Variants in RNFT2 observed in about 807,000 individuals in gnomAD.
The protein encoded by RNFT2 is ring finger protein, transmembrane 2.
A neutral mutation model predicts 53.0 loss-of-function variants in RNFT2; 36 were observed. That is an observed-to-expected ratio of 0.68 (90% CI 0.52 to 0.90). The LOEUF (loss-of-function observed/expected upper bound fraction) is 0.90. RNFT2 is among the 40% of genes least tolerant of loss of function. RNFT2 has a pLI of 0.00. For synonymous variants in RNFT2, 260 were observed against 253.2 expected, an observed-to-expected ratio of 1.03 and a Z score of -0.26; for missense variants, 514 against 585.6, an observed-to-expected ratio of 0.88 and a Z score of 1.26.
chr12:116,828,634 T>G (rs548009215), intron 7 of RNFT2, among the ~76,000 whole-genome samples: 1 of 150,544 alleles, frequency 6.6e-6, no homozygotes, highest in African/African-American at 2.4e-5. Context: ...TGTCCAGAAA[T>G]GGAAGCAAGG....
chr12:116,822,194 G>A (rs969343050), intron 7 of RNFT2, among the ~76,000 whole-genome samples: 4 of 151,962 alleles, frequency 2.6e-5, no homozygotes, highest in Non-Finnish European at 4.4e-5. Flanking sequence ...TGATGACACC[G>A]TCAGTCACAG....
intron 1 of RNFT2, among the ~76,000 whole-genome samples, chr12:116,739,790 G>A (rs1178683074): frequency 6.6e-6 from 1 of 152,232 alleles, no homozygotes; most frequent in Non-Finnish European, 1.5e-5. Context: ...CGTAGGCTAT[G>A]GACAGAGCTC....
At chr12:116,830,046 G>T (rs111292995) in intron 7 of RNFT2, among the ~76,000 whole-genome samples, 4,341 of 152,092 alleles carry the variant, frequency 0.029, 206 homozygotes, top group African/African-American at 0.098. Context: ...CTTTCATCAG[G>T]ATGATTTCTT....
intron 7 of RNFT2, among the ~76,000 whole-genome samples, chr12:116,794,677 A>AGGGAGGGAGGGAGGGG (rs1874414817): frequency 2.2e-5 from 1 of 46,406 alleles, no homozygotes; most frequent in African/African-American, 1.0e-4. Flanking sequence ...GAAGGAAGGG[A>AGGGAGGGAGGGAGGGG]GGGAGGGAGG....
At chr12:116,833,630 A>G (rs550915041) in intron 7 of RNFT2, among the ~76,000 whole-genome samples, 162 bp from the exon 8 acceptor site, 5 of 152,328 alleles carry the variant, frequency 3.3e-5, no homozygotes, top group East Asian at 1.9e-4. Context: ...CTCCCTGGCC[A>G]TATCGCAGCC....
intron 7 of RNFT2, among the ~76,000 whole-genome samples, chr12:116,821,744 GTGCTAGCT>G (rs1876037014): frequency 6.9e-6 from 1 of 145,672 alleles, no homozygotes. Context: ...TCCTGGCCCT[GTGCTAGCT>G]TGCTAGCTTT....
At position 116,851,722 on chromosome 12, in the gene RNFT2, C is replaced by CA; in HGVS notation, c.*2275dup. 1 of 692,286 alleles carries CA rather than the reference C, an allele frequency of 1.4e-6. No individual in the cohort carries two copies. The highest frequency in any genetic ancestry group is 2.7e-5 in the East Asian group (1 of 37,200). The allele number at this position is 692,286 out of a possible 1,614,324, so 42.9% of individuals were successfully genotyped here. A position where few individuals can be genotyped will look rare whatever the true frequency, so the allele number is the denominator to read the frequency against. ...CACCACAGCACTCCAACCTGGGTGA[C>CA]AGAGTGAGTGAGACTCTGTCTAAAA... is the stretch of plus-strand genomic sequence containing the variant. On this transcript the variant is annotated 3_prime_UTR_variant, in exon 11 of 11. Transcript: ENST00000257575.
At chr12:116,841,082 T>C (rs917912252) in intron 10 of RNFT2, among the ~76,000 whole-genome samples, 4 of 152,308 alleles carry the variant, frequency 2.6e-5, no homozygotes, top group South Asian at 4.1e-4. Flanking sequence ...TATCAATTGC[T>C]GTATAACAAG....
chr12:116,767,045 G>C (rs902309944), intron 6 of RNFT2, 131 bp downstream of exon 6: 1 of 620,510 alleles, frequency 1.6e-6, no homozygotes, highest in Admixed American at 2.4e-5. Flanking sequence ...CCACCCTGCT[G>C]TTACTACTTA....
intron 6 of RNFT2, among the ~76,000 whole-genome samples, chr12:116,769,169 C>A (rs1399239432): frequency 1.3e-5 from 2 of 152,046 alleles, no homozygotes; most frequent in African/African-American, 4.8e-5. Context: ...ACCACCCTGG[C>A]CAAGATAGTG....
rs1266355989 is a variant in RNFT2 at position 116,841,956 on chromosome 12, TATAGAGAGAG to T, written c.1200+5676_1200+5685del. Reference sequence around the variant, plus strand: ...ATATAAATATATATATAAATATATATATAGAGAGAGAGAGAGAGAGAGAGAGAGAGGGAGG... The same window carrying T: ...ATATAAATATATATATAAATATATATAGAGAGAGAGAGAGAGAGAGGGAGG... On this transcript the variant is annotated intron_variant, in intron 10 of 10. Coordinates refer to ENST00000257575, the MANE Select transcript of RNFT2 (RefSeq NM_001382266.1). Among the ~76,000 whole-genome samples the T allele has an allele frequency of 1.6e-3, 27 of 17,224 alleles. 2 individuals carry two copies. The highest frequency in any genetic ancestry group is 8.8e-3 in the African/African-American group (24 of 2,722). 11.3% of individuals were successfully genotyped at this position (17,224 alleles called of 152,430 possible). A position where few individuals can be genotyped will look rare whatever the true frequency, so the allele number is the denominator to read the frequency against.
At chr12:116,834,083 A>G (rs1876833012) in intron 8 of RNFT2, 142 bp downstream of exon 8, 2 of 609,560 alleles carry the variant, frequency 3.3e-6, no homozygotes, top group East Asian at 3.5e-5. Context: ...TTCATACGAC[A>G]TGAAATTAAC....
Position 116,849,542 on chromosome 12 carries a change from T to C in RNFT2, c.*94T>C, listed in dbSNP as rs1454364667. On this transcript the variant is annotated 3_prime_UTR_variant, in exon 11 of 11. Transcript: ENST00000257575. ...TTCCTGAGAAACAGGCCTCAAGCAC[T>C]TACATCCTGCCTCTTGCCCTCCACC... 3 of 1,457,128 alleles carry C rather than the reference T, an allele frequency of 2.1e-6. No individual in the cohort carries two copies. Among genetic ancestry groups the C allele is most frequent in the African/African-American group, 2.8e-5 (2 of 71,354 alleles). The allele number at this position is 1,457,128 out of a possible 1,614,324, so 90.3% of individuals were successfully genotyped here. A position where few individuals can be genotyped will look rare whatever the true frequency, so the allele number is the denominator to read the frequency against.
intron 7 of RNFT2, among the ~76,000 whole-genome samples, chr12:116,807,828 G>C (rs192517854): frequency 1.9e-3 from 284 of 151,866 alleles, no homozygotes; most frequent in African/African-American, 5.3e-3. Context: ...TTTTGAGATA[G>C]GGTCTTGCTG....
rs75203558 is a variant in RNFT2, at chr12:116,794,806, C to T, written c.882+15458C>T. Among the ~76,000 whole-genome samples the T allele has an allele frequency of 4.2e-3, 640 of 152,040 alleles. 11 individuals are homozygous for T. The highest frequency in any genetic ancestry group is 0.014 in the African/African-American group (595 of 41,400). ...AAAACCAGGCCTGCTTATTTCCCAC[C>T]GCATGGAGTTCGGCTCGGCCACTGC... On this transcript the variant is annotated intron_variant, in intron 7 of 10. Coordinates refer to ENST00000257575, the MANE Select transcript of RNFT2 (RefSeq NM_001382266.1).
chr12:116,743,234 A>AAAAAAAAAAAAAAAAAAAAAAAAAAAT (rs1871715775), intron 3 of RNFT2, among the ~76,000 whole-genome samples: 3 of 114,450 alleles, frequency 2.6e-5, no homozygotes, highest in Admixed American at 9.2e-5. Context: ...AAAAAAAAAA[A>AAAAAAAAAAAAAAAAAAAAAAAAAAAT]AAAAAAAAAA....
At chr12:116,787,544 A>G (rs905494740) in intron 7 of RNFT2, among the ~76,000 whole-genome samples, 3 of 151,958 alleles carry the variant, frequency 2.0e-5, no homozygotes, top group South Asian at 2.1e-4. Flanking sequence ...CATCTTTATA[A>G]TAAAAATAAA....
At chr12:116,750,829 A>T (rs7965007) in intron 4 of RNFT2, among the ~76,000 whole-genome samples, 1,012 of 2,948 alleles carry the variant, frequency 0.34, 36 homozygotes, top group Non-Finnish European at 0.44. Flanking sequence ...TTATATATAT[A>T]ATATATATAT....
At chr12:116,801,982 C>T (rs141929976) in intron 7 of RNFT2, among the ~76,000 whole-genome samples, 5,903 of 152,170 alleles carry the variant, frequency 0.039, 184 homozygotes, top group African/African-American at 0.076. Context: ...CCACCATGCC[C>T]AGCTAATTTT....
Sources: gnomAD v4.1 joint callset for allele counts (sites outside exome capture counted in the v4.1 genomes callset) on GRCh38, gnomAD v4.1.1 for gene constraint, MANE v1.5 for transcripts, NCBI Gene and HGNC (gene_info 2026-07-23, HGNC 2026-07-21) for gene names.